Variants in FBXW4 observed in about 807,000 individuals in gnomAD.
FBXW4 encodes the protein F-box and WD repeat domain containing 4, also known as F-box/WD repeat-containing protein 4.
Under a neutral mutation model 61.8 loss-of-function variants are expected in FBXW4, and 40 were observed. The ratio of observed to expected loss-of-function variants is 0.65; its 90% CI spans 0.50 to 0.84. FBXW4 has a LOEUF of 0.84. Ranked by LOEUF, FBXW4 falls within the 40% of genes least tolerant of loss-of-function variation. FBXW4 has a pLI of 0.00. For synonymous variants in FBXW4, 311 were observed against 313.8 expected (o/e 0.99, Z 0.10); for missense variants, 672 against 753.8 (o/e 0.89, Z 1.27).
chr10:101,624,794 T>C lies in FBXW4; in HGVS notation c.1252A>G (p.Thr418Ala). 2 of 1,614,216 alleles carry C rather than the reference T, an allele frequency of 1.2e-6. No homozygotes were observed. Among genetic ancestry groups the C allele is most frequent in the Non-Finnish European group, 8.5e-7 (1 of 1,180,048 alleles). The change falls in exon 6 of 9, where the codon ACG (threonine) becomes GCG (alanine). Residue 418 changes from threonine (T) to alanine (A), a missense_variant. Coordinates refer to ENST00000331272, the MANE Select transcript of FBXW4 (RefSeq NM_022039.4). Reference sequence around the variant, plus strand: ...GGTGAGAAGTGCCCGCAACAAGCCGTCCCTGTCACAAAAGAGCTGCCAAAC... The same window carrying C: ...GGTGAGAAGTGCCCGCAACAAGCCGCCCCTGTCACAAAAGAGCTGCCAAAC... ...SPLLSSFVTG[T>A]ACCGHFSPLR...
intron 5 of FBXW4, among the ~76,000 whole-genome samples, chr10:101,656,159 G>A (rs1423559371): frequency 6.6e-6 from 1 of 152,138 alleles, no homozygotes; most frequent in African/African-American, 2.4e-5. Context: ...CCTCCACACT[G>A]CCTTTTGGCC....
chr10:101,670,343 T>C (rs1434491032), intron 4 of FBXW4, among the ~76,000 whole-genome samples: 1 of 152,218 alleles, frequency 6.6e-6, no homozygotes, highest in Non-Finnish European at 1.5e-5. Context: ...TGTCCACATG[T>C]GTTAAATGGG....
intron 5 of FBXW4, among the ~76,000 whole-genome samples, chr10:101,636,058 T>C (rs1017063060): frequency 6.6e-6 from 1 of 151,876 alleles, no homozygotes; most frequent in East Asian, 1.9e-4. Flanking sequence ...CTAGTAAGAA[T>C]TGCAAATTAG....
At chr10:101,689,422 G>A (rs751488170) in intron 1 of FBXW4, among the ~76,000 whole-genome samples, 21 of 152,198 alleles carry the variant, frequency 1.4e-4, no homozygotes, top group Non-Finnish European at 2.6e-4. Context: ...TTCCACAGGT[G>A]TACTGTTTTA....
chr10:101,690,051 G>C (rs987999961), intron 1 of FBXW4, among the ~76,000 whole-genome samples: 2 of 152,190 alleles, frequency 1.3e-5, no homozygotes, highest in African/African-American at 4.8e-5. Context: ...ACTTAATTCG[G>C]GAGGAAGAGG....
intron 5 of FBXW4, among the ~76,000 whole-genome samples, chr10:101,659,230 G>A (rs75299772): frequency 0.15 from 23,181 of 152,028 alleles, 2,064 homozygotes; most frequent in Middle Eastern, 0.22. Flanking sequence ...ACTCCCCTTC[G>A]GCAAGACCCC....
chr10:101,680,462 C>G (rs1247709580), intron 1 of FBXW4, among the ~76,000 whole-genome samples: 5 of 152,132 alleles, frequency 3.3e-5, no homozygotes, highest in African/African-American at 1.2e-4. Context: ...AGTTTTCTCT[C>G]TAAAACTTTT....
At chr10:101,687,735 T>C (rs966641090) in intron 1 of FBXW4, among the ~76,000 whole-genome samples, 5 of 152,052 alleles carry the variant, frequency 3.3e-5, no homozygotes, top group African/African-American at 1.2e-4. Flanking sequence ...ACAACAAAAG[T>C]CTAGGAACAA....
At chr10:101,656,784 C>T (rs996495747) in intron 5 of FBXW4, among the ~76,000 whole-genome samples, 2 of 152,168 alleles carry the variant, frequency 1.3e-5, no homozygotes, top group Non-Finnish European at 2.9e-5. Flanking sequence ...GGGAAGGTCA[C>T]AGCAAAACAT....
chr10:101,626,247 C>T (rs2063906680), intron 5 of FBXW4: 1 of 152,614 alleles, frequency 6.6e-6, no homozygotes, highest in Admixed American at 6.5e-5. Context: ...TGTGCCATGC[C>T]CCAAGTGACT....
chr10:101,689,847 C>A (rs528924768), intron 1 of FBXW4, among the ~76,000 whole-genome samples: 61 of 152,264 alleles, frequency 4.0e-4, no homozygotes, highest in African/African-American at 1.4e-3. Flanking sequence ...AGGCCCCCAG[C>A]CTCAAAGAGC....
At chr10:101,661,375 C>T (rs1166273842) in intron 5 of FBXW4, among the ~76,000 whole-genome samples, 2 of 152,162 alleles carry the variant, frequency 1.3e-5, no homozygotes, top group Non-Finnish European at 2.9e-5. Context: ...TTGAAACCCA[C>T]CCCTGTGGTA....
intron 2 of FBXW4, among the ~76,000 whole-genome samples, chr10:101,676,126 T>TA (rs918210600): frequency 6.6e-5 from 10 of 152,116 alleles, no homozygotes; most frequent in African/African-American, 1.9e-4. Context: ...TTTATAATCA[T>TA]AAAAAAAGTC....
chr10:101,659,891 C>T (rs2064226129), intron 5 of FBXW4, among the ~76,000 whole-genome samples: 1 of 152,052 alleles, frequency 6.6e-6, no homozygotes, highest in Non-Finnish European at 1.5e-5. Flanking sequence ...TATTACTTCT[C>T]CAAGAGTCAG....
At chr10:101,648,138 G>T (rs1210568927) in intron 5 of FBXW4, among the ~76,000 whole-genome samples, 1 of 152,142 alleles carries the variant, frequency 6.6e-6, no homozygotes, top group Non-Finnish European at 1.5e-5. Context: ...TGCGATTTGG[G>T]TTTTTTTGTT....
Position 101,611,014 on chromosome 10 carries a change from C to T in FBXW4, c.*277G>A. On this transcript the variant is annotated 3_prime_UTR_variant, in exon 9 of 9. Coordinates refer to ENST00000331272, the MANE Select transcript of FBXW4 (RefSeq NM_022039.4). The surrounding 1 kb of genome is among the most constrained non-coding windows in gnomAD (Gnocchi z 4.9). ...AGGATGGGCCTCTCCAGGCCAGATC[C>T]TTGCTCTGGCCAAACAGGGACGCAA... The T allele has an allele frequency of 2.9e-6, 1 of 341,396 alleles. No homozygotes were observed. Among genetic ancestry groups the T allele is most frequent in the East Asian group, 6.3e-5 (1 of 15,758 alleles). 21.1% of individuals were successfully genotyped at this position (341,396 alleles called of 1,614,324 possible). A position where few individuals can be genotyped will look rare whatever the true frequency, so the allele number is the denominator to read the frequency against.
intron 5 of FBXW4, among the ~76,000 whole-genome samples, chr10:101,645,542 T>C (rs1347187422): frequency 6.6e-6 from 1 of 152,156 alleles, no homozygotes; most frequent in Non-Finnish European, 1.5e-5. Flanking sequence ...TCATCACCCC[T>C]TTCACAAAAC....
chr10:101,671,607 T>G (rs2064358732), intron 4 of FBXW4, among the ~76,000 whole-genome samples: 1 of 151,712 alleles, frequency 6.6e-6, no homozygotes, highest in Non-Finnish European at 1.5e-5. Flanking sequence ...GGAACTTGAG[T>G]AAGCCTGAAG....
intron 1 of FBXW4, among the ~76,000 whole-genome samples, chr10:101,687,798 A>G (rs990996277): frequency 1.3e-5 from 2 of 152,174 alleles, no homozygotes; most frequent in African/African-American, 4.8e-5. Context: ...CCCTTGCCCA[A>G]TATCATCATA....
Sources: gnomAD v4.1 joint callset for allele counts (sites outside exome capture counted in the v4.1 genomes callset) on GRCh38, gnomAD v4.1.1 for gene constraint, Gnocchi (gnomAD v3.1) non-coding constraint, MANE v1.5 for transcripts, NCBI Gene and HGNC (gene_info 2026-07-23, HGNC 2026-07-21) for gene names.